Variants in SHCBP1 observed in about 807,000 individuals in gnomAD.
The protein encoded by SHCBP1 is SHC SH2 domain-binding protein 1.
Under a neutral mutation model 75.1 loss-of-function variants are expected in SHCBP1, and 60 were observed. The observed-to-expected ratio is 0.80, with a 90% confidence interval of 0.65 to 0.99. The LOEUF (loss-of-function observed/expected upper bound fraction) is 0.99. SHCBP1 is among the 50% of genes least tolerant of loss of function. The pLI is 0.00. For synonymous variants in SHCBP1, 290 were observed against 293.2 expected (o/e 0.99, Z 0.11); for missense variants, 709 against 809.4 (o/e 0.88, Z 1.50).
At chr16:46,606,449 C>T (rs1965327618) in intron 5 of SHCBP1, among the ~76,000 whole-genome samples, 1 of 152,188 alleles carries the variant, frequency 6.6e-6, no homozygotes, top group Admixed American at 6.5e-5. Flanking sequence ...CTCCCTTATG[C>T]CATCCCATCT....
At chr16:46,611,145 G>A (rs1341115012) in intron 4 of SHCBP1, among the ~76,000 whole-genome samples, 1 of 152,174 alleles carries the variant, frequency 6.6e-6, no homozygotes, top group Non-Finnish European at 1.5e-5. Context: ...CCCAGTCTGA[G>A]TGTGGGTGTG....
At chr16:46,583,958 A>C (rs985761846) in intron 11 of SHCBP1, 45 bp downstream of exon 11, 2 of 1,502,206 alleles carry the variant, frequency 1.3e-6, no homozygotes, top group Non-Finnish European at 1.8e-6. Flanking sequence ...TTGTAGGTAA[A>C]ACCATTCTAT....
In SHCBP1 at chr16:46,603,969, G is replaced by A. The variant is rs781420615; in HGVS notation, c.1092+6C>T. On this transcript the variant is annotated splice_donor_region_variant and intron_variant, in intron 7 of 12. Coordinates refer to ENST00000303383, the MANE Select transcript of SHCBP1 (RefSeq NM_024745.5). ...AGCCACCTGGAGTGAGAAACTCTCC[G>A]TTTACCTGAATTTCTCTTTCTTCCT... The A allele has an allele frequency of 2.6e-5, 41 of 1,602,286 alleles. No homozygotes were observed. In the South Asian group the frequency reaches 2.7e-4, roughly 11 times the overall value.
chr16:46,610,552 T>TTTTTTTTTTTTTTTG (rs1965399221), intron 4 of SHCBP1, among the ~76,000 whole-genome samples: 1 of 98,688 alleles, frequency 1.0e-5, no homozygotes, highest in Non-Finnish European at 2.0e-5. Flanking sequence ...CAATTTTTTT[T>TTTTTTTTTTTTTTTG]TTTTTTTTTT....
chr16:46,592,254 A>G (rs1454884049), intron 10 of SHCBP1, among the ~76,000 whole-genome samples: 1 of 152,172 alleles, frequency 6.6e-6, no homozygotes, highest in Non-Finnish European at 1.5e-5. Context: ...ACCAACATCA[A>G]GCATGAAACA....
At chr16:46,605,739 T>C (rs1031227298) in intron 5 of SHCBP1, among the ~76,000 whole-genome samples, 1 of 152,150 alleles carries the variant, frequency 6.6e-6, no homozygotes, top group African/African-American at 2.4e-5. Context: ...TTAAATGATG[T>C]TGTTTTTTTT....
At chr16:46,592,932 C>A (rs938128875) in intron 10 of SHCBP1, among the ~76,000 whole-genome samples, 1 of 26,608 alleles carries the variant, frequency 3.8e-5, no homozygotes, top group African/African-American at 1.2e-4. Context: ...AGTCAACATC[C>A]ACTTATGATA....
intron 2 of SHCBP1, among the ~76,000 whole-genome samples, chr16:46,617,953 G>A (rs1021521757): frequency 6.6e-6 from 1 of 152,182 alleles, no homozygotes; most frequent in Non-Finnish European, 1.5e-5. Flanking sequence ...CGAGGCAGGG[G>A]GATCACCTGA....
chr16:46,604,505 C>T, intron 5 of SHCBP1, 44 bp from the exon 6 acceptor site: 2 of 1,406,896 alleles, frequency 1.4e-6, no homozygotes, highest in Middle Eastern at 1.9e-4. Flanking sequence ...CTTTCAGGCA[C>T]ATTTTCCTAT....
Position 46,616,778 on chromosome 16 carries a change from A to T in SHCBP1, c.388-624T>A, listed in dbSNP as rs1394944667. Reference sequence around the variant, plus strand: ...AAATGGCATGCTTCTGTTTTAAAACAATGACTTTCATTGTTTTCGGAGAAC... The same window carrying T: ...AAATGGCATGCTTCTGTTTTAAAACTATGACTTTCATTGTTTTCGGAGAAC... On this transcript the variant is annotated intron_variant, in intron 3 of 12. Transcript: ENST00000303383. The surrounding 1 kb of genome is among the most constrained non-coding windows in gnomAD (Gnocchi z 4.4). 6.6e-6 allele frequency among the ~76,000 whole-genome samples: 1 copy of T among 152,248 alleles called. No individual in the cohort carries two copies. The highest frequency in any genetic ancestry group is 6.5e-5 in the Admixed American group (1 of 15,284).
At chr16:46,590,976 A>G (rs1430002747) in intron 10 of SHCBP1, among the ~76,000 whole-genome samples, 3 of 152,258 alleles carry the variant, frequency 2.0e-5, no homozygotes. Context: ...ACCATGGAAT[A>G]CTATGCAGCC....
At chr16:46,594,235 C>T (rs942865634) in intron 10 of SHCBP1, among the ~76,000 whole-genome samples, 2 of 152,090 alleles carry the variant, frequency 1.3e-5, no homozygotes, top group Admixed American at 6.6e-5. Context: ...AAAGGAAAAA[C>T]TGATACAGTG....
intron 4 of SHCBP1, among the ~76,000 whole-genome samples, chr16:46,609,718 C>T (rs976513699): frequency 1.3e-5 from 2 of 151,848 alleles, no homozygotes; most frequent in Non-Finnish European, 2.9e-5. Context: ...TCCCAAAGTG[C>T]TGGGATTACA....
chr16:46,581,783 C>CA lies in SHCBP1; in HGVS notation c.1964dup (p.Asn657GlufsTer10). On this transcript the variant is annotated frameshift_variant, in exon 13 of 13. Transcript: ENST00000303383. LOFTEE classifies it high-confidence loss of function. ...TCCCATTCCACTTGAACTGGTTCCCCACAATCCCAACAAACATCTCCTGTG... is the reference window on the plus strand; with the variant it reads ...TCCCATTCCACTTGAACTGGTTCCCCAACAATCCCAACAAACATCTCCTGTG... 1 of 1,614,182 alleles carries CA rather than the reference C, an allele frequency of 6.2e-7. No individual in the cohort carries two copies. The highest frequency in any genetic ancestry group is 8.5e-7 in the Non-Finnish European group (1 of 1,180,036).
At chr16:46,590,847 G>A (rs1409137796) in intron 10 of SHCBP1, among the ~76,000 whole-genome samples, 1 of 152,134 alleles carries the variant, frequency 6.6e-6, no homozygotes, top group East Asian at 1.9e-4. Flanking sequence ...GAATCATGCT[G>A]CTATAAAGAC....
intron 9 of SHCBP1, among the ~76,000 whole-genome samples, chr16:46,598,231 C>A (rs1965173649): frequency 6.6e-6 from 1 of 152,194 alleles, no homozygotes. Flanking sequence ...AGAAACTTTT[C>A]AATTGACTTT....
chr16:46,612,620 T>A (rs964798261), intron 4 of SHCBP1, among the ~76,000 whole-genome samples: 2 of 152,180 alleles, frequency 1.3e-5, no homozygotes, highest in African/African-American at 4.8e-5. Context: ...CTCTCCTGCC[T>A]CAGAGCCGTT....
intron 2 of SHCBP1, 24 bp downstream of exon 2, chr16:46,618,181 A>C: frequency 1.3e-6 from 2 of 1,573,436 alleles, no homozygotes; most frequent in Non-Finnish European, 1.7e-6. Flanking sequence ...CATCTCAAAA[A>C]AAAAAAGCAA....
rs773704460 is a variant in SHCBP1, at chr16:46,595,649, G to A, written c.1367C>T (p.Thr456Met). The change falls in exon 10 of 13, where the codon ACG (threonine) becomes ATG (methionine). Residue 456 changes from threonine to methionine, a missense_variant. By Grantham distance (81) the Thr-to-Met change is moderately conservative. Coordinates refer to ENST00000303383, the MANE Select transcript of SHCBP1 (RefSeq NM_024745.5). Reference protein sequence around the residue: ...GILIVHRGKTTLENCVLQCET... With the variant: ...GILIVHRGKTMLENCVLQCET... ...ACACTGCAGCACACAGTTTTCCAGCGTAGTCTTACCACGGTGAACAACTGG... is the reference window on the plus strand; with the variant it reads ...ACACTGCAGCACACAGTTTTCCAGCATAGTCTTACCACGGTGAACAACTGG... The A allele has an allele frequency of 3.4e-5, 55 of 1,613,794 alleles. No individual in the cohort carries two copies. The highest frequency in any genetic ancestry group is 2.0e-4 in the Admixed American group (12 of 59,978).
Sources: allele counts gnomAD v4.1 joint callset (sites outside exome capture counted in the v4.1 genomes callset), GRCh38; gene constraint gnomAD v4.1.1; non-coding constraint Gnocchi (gnomAD v3.1); transcripts MANE v1.5; gene names NCBI Gene and HGNC (gene_info 2026-07-23, HGNC 2026-07-21).